The following FASTKD1 variants were observed in gnomAD, a reference collection of about 807,000 sequenced individuals.
The protein encoded by FASTKD1 is FAST kinase domains 1.
A neutral mutation model predicts 90.9 loss-of-function variants in FASTKD1; 94 were observed. The observed-to-expected ratio is 1.03, with a 90% confidence interval of 0.88 to 1.23. The LOEUF (loss-of-function observed/expected upper bound fraction) is 1.23, where lower values mean the gene tolerates loss of function less well. Among genes scored for constraint, FASTKD1 ranks in the 50% most tolerant of loss-of-function variants. FASTKD1 has a pLI of 0.00. For synonymous variants in FASTKD1, 319 were observed against 345.8 expected (o/e 0.92, Z 0.86); for missense variants, 945 against 993.5 (o/e 0.95, Z 0.66).
intron 1 of FASTKD1, among the ~76,000 whole-genome samples, 182 bp from the exon 2 acceptor site, chr2:169,572,353 C>A (rs1302803508): frequency 2.0e-5 from 3 of 151,674 alleles, no homozygotes; most frequent in Non-Finnish European, 4.4e-5. Context: ...TTCTGCACCC[C>A]ATTTTAAAAG....
chr2:169,566,853 A>C (rs1160052506), intron 3 of FASTKD1, among the ~76,000 whole-genome samples: 1 of 152,218 alleles, frequency 6.6e-6, no homozygotes, highest in Non-Finnish European at 1.5e-5. Flanking sequence ...ACAGTGGCTC[A>C]CACCTGTAAT....
chr2:169,544,243 A>G lies in FASTKD1; in HGVS notation c.1816+478T>C, dbSNP rs746237022. Among the ~76,000 whole-genome samples, 54 of 152,328 alleles carry G rather than the reference A, an allele frequency of 3.5e-4. 1 individual carries two copies. The Middle Eastern group carries it at 0.024, about 67-fold the overall frequency. On this transcript the variant is annotated intron_variant, in intron 9 of 14. Transcript: ENST00000453153. ...TGTTCTTTGTTTAATTCTTTATACAAGTTTGACATTTTTCATAATTAAAAT... is the reference window on the plus strand; with the variant it reads ...TGTTCTTTGTTTAATTCTTTATACAGGTTTGACATTTTTCATAATTAAAAT...
intron 7 of FASTKD1, among the ~76,000 whole-genome samples, chr2:169,547,882 C>A (rs1471475260): frequency 8.7e-5 from 1 of 11,514 alleles, no homozygotes; most frequent in African/African-American, 2.7e-4. Flanking sequence ...AAGACTCCAT[C>A]TCAAAAAAAA....
At position 169,539,106 on chromosome 2, in the gene FASTKD1, G is replaced by A. The variant is rs533352990; in HGVS notation, c.1945+945C>T. 3.3e-4 allele frequency among the ~76,000 whole-genome samples: 50 copies of A among 151,546 alleles called. 1 individual carries two copies. The highest frequency in any genetic ancestry group is 1.2e-3 in the African/African-American group (49 of 41,348). ...AACATGGTGAAACCTCGTCTCTACT[G>A]AAAACAGAAAAATTAGCCGGGCATG... On this transcript the variant is annotated intron_variant, in intron 10 of 14. Coordinates refer to ENST00000453153, the MANE Select transcript of FASTKD1 (RefSeq NM_024622.6).
At chr2:169,560,035 C>G (rs1050539247) in intron 5 of FASTKD1, among the ~76,000 whole-genome samples, 2 of 151,932 alleles carry the variant, frequency 1.3e-5, no homozygotes, top group Non-Finnish European at 2.9e-5. Flanking sequence ...GCTATGACTA[C>G]TATAATTCTA....
chr2:169,571,906 G>GA lies in FASTKD1; in HGVS notation c.123dup (p.Gln42SerfsTer4). 6.2e-7 allele frequency: 1 copy of GA among 1,614,006 alleles called. No individual in the cohort carries two copies. Among genetic ancestry groups the GA allele is most frequent in the Non-Finnish European group, 8.5e-7 (1 of 1,179,990 alleles). Reference sequence around the variant, plus strand: ...TCCTCATCTGTACACTTATTCATCTGAATAATTAGTGGTTCACAACTGATG... The same window carrying GA: ...TCCTCATCTGTACACTTATTCATCTGAAATAATTAGTGGTTCACAACTGATG... On this transcript the variant is annotated frameshift_variant, in exon 2 of 15. Coordinates refer to ENST00000453153, the MANE Select transcript of FASTKD1 (RefSeq NM_024622.6). LOFTEE classifies it high-confidence loss of function.
intron 2 of FASTKD1, among the ~76,000 whole-genome samples, chr2:169,569,773 C>T (rs1684149399): frequency 6.6e-6 from 1 of 152,220 alleles, no homozygotes; most frequent in African/African-American, 2.4e-5. Context: ...ATTGCTTGAA[C>T]CCTGGAGGTA....
At chr2:169,548,958 A>T (rs937677195) in intron 7 of FASTKD1, among the ~76,000 whole-genome samples, 4 of 150,742 alleles carry the variant, frequency 2.7e-5, no homozygotes, top group Non-Finnish European at 4.4e-5. Flanking sequence ...TTAGCCGGGC[A>T]TGGTGGTGGG....
chr2:169,540,179 C>A lies in FASTKD1; in HGVS notation c.1817G>T (p.Gly606Val). The A allele has an allele frequency of 1.9e-6, 3 of 1,539,956 alleles. No individual in the cohort carries two copies. The highest frequency in any genetic ancestry group is 1.4e-5 in the African/African-American group (1 of 72,080). ...TCVQHLNSYL[G>V]ILDPFILVFL... ...CACTAATATAAAAGGATCCAATATA[C>A]CTAAAAGAAAATTAAGATTTTTTTA... is the stretch of plus-strand genomic sequence containing the variant. Residue 606 changes from glycine to valine, a missense_variant and splice_region_variant, in exon 10 of 15, where the codon GGT (glycine) becomes GTT (valine). By Grantham distance (109) the Gly-to-Val change is moderately radical. Coordinates refer to ENST00000453153, the MANE Select transcript of FASTKD1 (RefSeq NM_024622.6).
In FASTKD1 at chr2:169,528,901, C is replaced by T. The variant is rs1157296301; in HGVS notation, c.*924G>A. On this transcript the variant is annotated 3_prime_UTR_variant, in exon 15 of 15. Coordinates refer to ENST00000453153, the MANE Select transcript of FASTKD1 (RefSeq NM_024622.6). Reference sequence around the variant, plus strand: ...CTCATTGGCCATCCCTGCTCAGTCTCCTTTCCTGATTCCTCCTCTTCCTCT... The same window carrying T: ...CTCATTGGCCATCCCTGCTCAGTCTTCTTTCCTGATTCCTCCTCTTCCTCT... 6.6e-6 allele frequency among the ~76,000 whole-genome samples: 1 copy of T among 152,122 alleles called. No homozygotes were observed. Among genetic ancestry groups the T allele is most frequent in the African/African-American group, 2.4e-5 (1 of 41,422 alleles).
intron 5 of FASTKD1, among the ~76,000 whole-genome samples, chr2:169,557,860 T>A (rs1319896723): frequency 6.6e-6 from 1 of 152,220 alleles, no homozygotes; most frequent in African/African-American, 2.4e-5. Flanking sequence ...CCATGATACG[T>A]GTATTTTTTA....
intron 11 of FASTKD1, among the ~76,000 whole-genome samples, 169 bp downstream of exon 11, chr2:169,537,844 G>A (rs1263831824): frequency 6.6e-6 from 1 of 152,088 alleles, no homozygotes; most frequent in Non-Finnish European, 1.5e-5. Flanking sequence ...CAAATATGAA[G>A]AAATTCTTAT....
intron 6 of FASTKD1, among the ~76,000 whole-genome samples, chr2:169,556,707 C>T (rs928500265): frequency 1.3e-5 from 2 of 152,048 alleles, no homozygotes; most frequent in Non-Finnish European, 1.5e-5. Flanking sequence ...CGCCTGTAAT[C>T]CGGGCTACTC....
chr2:169,572,311 CA>C, intron 1 of FASTKD1, 140 bp from the exon 2 acceptor site: 1 of 218,606 alleles, frequency 4.6e-6, no homozygotes, highest in African/African-American at 2.3e-5. Context: ...AGAATTTGAT[CA>C]AAAAATAAAT....
intron 3 of FASTKD1, among the ~76,000 whole-genome samples, chr2:169,568,932 G>C (rs1377520251): frequency 2.0e-5 from 3 of 150,802 alleles, no homozygotes; most frequent in Admixed American, 6.6e-5. Flanking sequence ...CCAGGAGGCA[G>C]AGGTTGCAGT....
rs1683535911 is a variant in FASTKD1 at position 169,560,470 on chromosome 2, C to A, written c.888G>T (p.Met296Ile). The change falls in exon 5 of 15, where the codon ATG (methionine) becomes ATT (isoleucine). Residue 296 changes from methionine to isoleucine, a missense_variant. Transcript: ENST00000453153. ...TAGCAGGATGATTACACAGAGGAAT[C>A]ATTTCAGTTAGCTTCTTTTTAGCCA... Reference protein sequence around the residue: ...IIMAKKKLTEMIPLCNHPASF... With the variant: ...IIMAKKKLTEIIPLCNHPASF... 6.2e-7 allele frequency: 1 copy of A among 1,601,336 alleles called. No homozygotes were observed. The highest frequency in any genetic ancestry group is 1.3e-5 in the African/African-American group (1 of 74,268).
chr2:169,559,135 G>A (rs1446361091), intron 5 of FASTKD1, among the ~76,000 whole-genome samples: 9 of 151,168 alleles, frequency 6.0e-5, no homozygotes, highest in Non-Finnish European at 1.0e-4. Context: ...CATCATGCCC[G>A]ACTTATCTTG....
At chr2:169,531,019 T>A (rs769844505) in intron 13 of FASTKD1, 12 of 663,196 alleles carry the variant, frequency 1.8e-5, no homozygotes, top group Non-Finnish European at 3.4e-5. Context: ...AGAGAACACA[T>A]GATGTATAGT....
intron 3 of FASTKD1, among the ~76,000 whole-genome samples, chr2:169,565,759 C>G (rs1683946942): frequency 6.6e-6 from 1 of 152,148 alleles, no homozygotes. Flanking sequence ...TTTGGGGGAA[C>G]CTCCAAACTG....
Sources: gnomAD v4.1 joint callset for allele counts (sites outside exome capture counted in the v4.1 genomes callset) on GRCh38, gnomAD v4.1.1 for gene constraint, MANE v1.5 for transcripts, NCBI Gene and HGNC (gene_info 2026-07-23, HGNC 2026-07-21) for gene names.